Variants in KLF13 observed in about 807,000 individuals in gnomAD.
KLF13 encodes KLF transcription factor 13.
Under a neutral mutation model 16.7 loss-of-function variants are expected in KLF13, and 8 were observed. That is an observed-to-expected ratio of 0.48 (90% CI 0.28 to 0.87). KLF13 has a LOEUF of 0.87. Among genes scored for constraint, KLF13 ranks in the 40% least tolerant of loss-of-function variants. KLF13 has a pLI of 0.10. For synonymous variants in KLF13, 245 were observed against 208.4 expected (o/e 1.18, Z -1.51); for missense variants, 447 against 452.2 (o/e 0.99, Z 0.10).
intron 1 of KLF13, among the ~76,000 whole-genome samples, chr15:31,340,835 C>T (rs931966367): frequency 5.9e-5 from 9 of 152,148 alleles, no homozygotes; most frequent in Admixed American, 2.0e-4. Flanking sequence ...TGCCACTACA[C>T]TCAAACCTGG....
chr15:31,327,323 C>A lies in KLF13; in HGVS notation c.111C>A (p.Gly37=). ...PREGPESRPE[G]AAVAATPTLP... ...AGGGGCCGGAGTCCCGGCCCGAGGGCGCGGCCGTGGCCGCCACCCCCACGC... is the reference window on the plus strand; with the variant it reads ...AGGGGCCGGAGTCCCGGCCCGAGGGAGCGGCCGTGGCCGCCACCCCCACGC... The change falls in exon 1 of 2, where the codon GGC becomes GGA. Residue 37 remains glycine (G), a synonymous_variant. Transcript: ENST00000307145. The A allele has an allele frequency of 1.6e-6, 2 of 1,281,946 alleles. No homozygotes were observed. Among genetic ancestry groups the A allele is most frequent in the South Asian group, 2.3e-5 (1 of 43,110 alleles). The allele number at this position is 1,281,946 out of a possible 1,614,324, so 79.4% of individuals were successfully genotyped here.
rs533386351 is a variant in KLF13, at chr15:31,386,660, A to C, written n.224-48710A>C. On this transcript the variant is annotated intron_variant and non_coding_transcript_variant, in intron 1 of 1. Coordinates refer to the KLF13 transcript ENST00000558921. ...ACTACACAACAGATTTTCAATGTAAATGAAACTGACTCTATTTGAGGAAGA... is the reference window on the plus strand; with the variant it reads ...ACTACACAACAGATTTTCAATGTAACTGAAACTGACTCTATTTGAGGAAGA... Among the ~76,000 whole-genome samples the C allele has an allele frequency of 9.2e-5, 14 of 152,350 alleles. No individual in the cohort carries two copies. In the South Asian group the frequency reaches 2.7e-3, roughly 29 times the overall value.
At chr15:31,355,214 G>T (rs1451411690) in intron 1 of KLF13, among the ~76,000 whole-genome samples, 1 of 152,204 alleles carries the variant, frequency 6.6e-6, no homozygotes, top group African/African-American at 2.4e-5. Context: ...CAGGTGCTCA[G>T]TAAGTGTCTC....
chr15:31,367,057 C>T (rs910253193), intron 1 of KLF13, among the ~76,000 whole-genome samples: 5 of 152,232 alleles, frequency 3.3e-5, no homozygotes, highest in African/African-American at 9.6e-5. Flanking sequence ...CGCCCACATA[C>T]AGGAAAGCTC....
At chr15:31,333,435 C>T (rs1434439814) in intron 1 of KLF13, among the ~76,000 whole-genome samples, 1 of 152,152 alleles carries the variant, frequency 6.6e-6, no homozygotes, top group Non-Finnish European at 1.5e-5. Flanking sequence ...CCCCAGCACA[C>T]GGCTTCCCGC....
intron 1 of KLF13, among the ~76,000 whole-genome samples, chr15:31,334,157 C>T (rs2038886410): frequency 6.6e-6 from 1 of 152,212 alleles, no homozygotes; most frequent in Non-Finnish European, 1.5e-5. Flanking sequence ...CTAGGTGCTC[C>T]TTTCCCCAAA....
At chr15:31,342,791 C>T (rs1355772139) in intron 1 of KLF13, among the ~76,000 whole-genome samples, 2 of 152,210 alleles carry the variant, frequency 1.3e-5, no homozygotes, top group African/African-American at 4.8e-5. Flanking sequence ...ATGAGGCCTT[C>T]TTGAGGCTGG....
Position 31,420,628 on chromosome 15 carries a change from T to G in KLF13, n.118-14742T>G, listed in dbSNP as rs975640316. 2.0e-5 allele frequency: 8 copies of G among 403,806 alleles called. No individual in the cohort carries two copies. The Admixed American group carries it at 2.4e-4, about 12-fold the overall frequency. 25.0% of individuals were successfully genotyped at this position (403,806 alleles called of 1,614,324 possible). ...CTACAGCTTTTACCTTCAAGAAACC[T>G]ATTCAAAGCAGGTTACCAGCCAGGA... is the stretch of plus-strand genomic sequence containing the variant. On this transcript the variant is annotated intron_variant and non_coding_transcript_variant, in intron 1 of 1. Transcript: ENST00000558225.
chr15:31,358,715 A>C (rs1233569842), intron 1 of KLF13, among the ~76,000 whole-genome samples: 1 of 152,242 alleles, frequency 6.6e-6, no homozygotes, highest in East Asian at 1.9e-4. Context: ...GTAATTGTGG[A>C]TTCCAACCTC....
chr15:31,407,914 C>G (rs907235229), downstream of KLF13, among the ~76,000 whole-genome samples: 10 of 152,160 alleles, frequency 6.6e-5, no homozygotes, highest in African/African-American at 2.4e-4. Context: ...GTATATACCT[C>G]ATACTAAAAT....
chr15:31,391,906 C>T (rs1203375899), upstream of KLF13, among the ~76,000 whole-genome samples: 1 of 152,134 alleles, frequency 6.6e-6, no homozygotes, highest in Non-Finnish European at 1.5e-5. Context: ...TCTGTGAAGG[C>T]CCCGGGAAGG....
At chr15:31,336,553 T>G (rs1425722186) in intron 1 of KLF13, among the ~76,000 whole-genome samples, 1 of 152,202 alleles carries the variant, frequency 6.6e-6, no homozygotes, top group East Asian at 1.9e-4. Context: ...TCTTTAACCC[T>G]TTTATTGTCT....
chr15:31,429,379 A>G (rs537778209), intron 1 of KLF13, among the ~76,000 whole-genome samples: 2 of 152,370 alleles, frequency 1.3e-5, no homozygotes, highest in Non-Finnish European at 2.9e-5. Flanking sequence ...GATACCAAGA[A>G]TGGTGAGATT....
chr15:31,330,592 T>C (rs2038811045), intron 1 of KLF13, among the ~76,000 whole-genome samples: 1 of 152,202 alleles, frequency 6.6e-6, no homozygotes, highest in South Asian at 2.1e-4. Context: ...TTGTGGTCCC[T>C]TGGCCGTGGC....
At chr15:31,352,458 C>T (rs960000379) in intron 1 of KLF13, among the ~76,000 whole-genome samples, 32 of 152,348 alleles carry the variant, frequency 2.1e-4, no homozygotes, top group African/African-American at 7.5e-4. Context: ...GGGCTGGCCA[C>T]GGGCTCCATG....
intron 1 of KLF13, among the ~76,000 whole-genome samples, chr15:31,421,585 A>G (rs981511395): frequency 5.9e-5 from 9 of 152,186 alleles, no homozygotes; most frequent in Admixed American, 5.2e-4. Context: ...GGCTATAATG[A>G]TAAGGTATTA....
intron 1 of KLF13, among the ~76,000 whole-genome samples, chr15:31,362,599 A>G (rs991774560): frequency 7.2e-5 from 11 of 152,222 alleles, no homozygotes; most frequent in Non-Finnish European, 1.6e-4. Flanking sequence ...CTAGTTTGCT[A>G]TGGATTTTTT....
chr15:31,397,946 T>C (rs2039978312), intron 2 of KLF13, among the ~76,000 whole-genome samples: 1 of 152,012 alleles, frequency 6.6e-6, no homozygotes, highest in Admixed American at 6.6e-5. Context: ...CCTGAGGGCC[T>C]CTGGCAAGTG....
chr15:31,393,686 T>C (rs544394441), exon 2 of KLF13: 1 of 152,438 alleles, frequency 6.6e-6, no homozygotes, highest in African/African-American at 2.4e-5. Flanking sequence ...TGCTTTGGCC[T>C]TGAAGGTGAG....
Sources: gnomAD v4.1 joint callset for allele counts (sites outside exome capture counted in the v4.1 genomes callset) on GRCh38, gnomAD v4.1.1 for gene constraint, MANE v1.5 for transcripts, NCBI Gene and HGNC (gene_info 2026-07-23, HGNC 2026-07-21) for gene names.